PTPRB: variants seen among roughly 807,000 people sequenced by gnomAD.
The protein encoded by PTPRB is protein tyrosine phosphatase receptor type B.
A neutral mutation model predicts 238.1 loss-of-function variants in PTPRB; 97 were observed. That is an observed-to-expected ratio of 0.41 (90% CI 0.35 to 0.48). PTPRB has a LOEUF of 0.48. PTPRB is among the 20% of genes least tolerant of loss of function. The pLI is 0.30. For synonymous variants in PTPRB, 970 were observed against 995.4 expected (o/e 0.97, Z 0.48); for missense variants, 2,292 against 2,681.9 (o/e 0.85, Z 3.21).
Position 70,524,486 on chromosome 12 carries a change from G to C in PTPRB, c.6610C>G (p.Pro2204Ala). 1 of 1,610,958 alleles carries C rather than the reference G, an allele frequency of 6.2e-7. No individual in the cohort carries two copies. The highest frequency in any genetic ancestry group is 8.5e-7 in the Non-Finnish European group (1 of 1,178,480). The change falls in exon 33 of 34, where the codon CCA (proline) becomes GCA (alanine). Residue 2204 changes from proline to alanine, a missense_variant. Physicochemically the swap from Pro to Ala is conservative, Grantham distance 27. Transcript: ENST00000334414. ...PLFPIYENVN[P>A]EYHRDPVYSR... is the part of the protein sequence containing the mutation. ...AAGTGCCCACCTCTGTGATACTCTG[G>C]ATTCACATTTTCATAGATTGGAAAC...
intron 32 of PTPRB, among the ~76,000 whole-genome samples, chr12:70,526,634 A>G (rs1482114658): frequency 6.6e-6 from 1 of 152,234 alleles, no homozygotes; most frequent in East Asian, 1.9e-4. Context: ...TCAATCTTGA[A>G]AATCTGAGAA....
chr12:70,571,473 C>T, intron 12 of PTPRB, 184 bp from the exon 13 acceptor site: 1 of 647,534 alleles, frequency 1.5e-6, no homozygotes, highest in South Asian at 2.1e-5. Context: ...TGGTTTTTTC[C>T]TGACATAAAT....
chr12:70,629,514 C>A (rs1351805239), intron 2 of PTPRB, among the ~76,000 whole-genome samples: 4 of 152,076 alleles, frequency 2.6e-5, no homozygotes, highest in African/African-American at 9.7e-5. Context: ...AAATTGACAA[C>A]CTAACATCAC....
At chr12:70,538,698 A>G (rs529474252) in intron 27 of PTPRB, 1 of 557,874 alleles carries the variant, frequency 1.8e-6, no homozygotes, top group South Asian at 2.4e-5. Flanking sequence ...CACATGGGGA[A>G]ATGTCAACAG....
intron 18 of PTPRB, among the ~76,000 whole-genome samples, chr12:70,556,964 A>G (rs12314266): frequency 0.45 from 68,127 of 152,022 alleles, 16,278 homozygotes; most frequent in African/African-American, 0.61. Flanking sequence ...TAACCTCTAC[A>G]AATGGAAATG....
chr12:70,563,454 C>T (rs1878777490), intron 15 of PTPRB, among the ~76,000 whole-genome samples: 2 of 152,158 alleles, frequency 1.3e-5, no homozygotes, highest in South Asian at 4.1e-4. Context: ...TTTCCTCCAC[C>T]CCAAATGCTC....
rs1055107310 is a variant in PTPRB, at chr12:70,517,096, C to T, written c.*4393G>A. On this transcript the variant is annotated 3_prime_UTR_variant, in exon 34 of 34. Transcript: ENST00000334414. ...CTGCATTTTAACTAAAATGGCCAAA[C>T]ATTTTCAAAGTCATCATGCACTACA... 6.6e-6 allele frequency: 1 copy of T among 152,158 alleles called. No individual in the cohort carries two copies. The highest frequency in any genetic ancestry group is 1.5e-5 in the Non-Finnish European group (1 of 68,024). The allele number at this position is 152,158 out of a possible 1,614,324, so 9.4% of individuals were successfully genotyped here.
intron 2 of PTPRB, 71 bp from the exon 3 acceptor site, chr12:70,622,717 T>G: frequency 1.4e-6 from 2 of 1,462,594 alleles, no homozygotes; most frequent in Non-Finnish European, 1.8e-6. Context: ...AAATCAATTT[T>G]ACTTAGCAAA....
rs1592503450 is a variant in PTPRB at position 70,570,671 on chromosome 12, G to GTAC, written c.3370+354_3370+355insGTA. On this transcript the variant is annotated intron_variant, in intron 13 of 33. Coordinates refer to ENST00000334414, the MANE Select transcript of PTPRB (RefSeq NM_001109754.4). ...TGCTTTGCTGTGGGTCTGGTTCATG[G>GTAC]TGAACTGTCAGTACATGTTAACTAC... 1.2e-4 allele frequency among the ~76,000 whole-genome samples: 19 copies of GTAC among 152,244 alleles called. No homozygotes were observed. In the East Asian group the frequency reaches 3.7e-3, roughly 29 times the overall value.
intron 9 of PTPRB, among the ~76,000 whole-genome samples, chr12:70,583,261 G>T (rs544203827): frequency 6.6e-6 from 1 of 152,154 alleles, no homozygotes; most frequent in African/African-American, 2.4e-5. Flanking sequence ...TCCCTTTCTG[G>T]CAGTATGATA....
Position 70,590,003 on chromosome 12 carries a change from C to T in PTPRB, c.2011G>A (p.Gly671Arg), listed in dbSNP as rs770412160. The change falls in exon 8 of 34, where the codon GGA becomes AGA. Residue 671 changes from glycine to arginine, a missense_variant. By Grantham distance (125) the Gly-to-Arg change is moderately radical. Coordinates refer to ENST00000334414, the MANE Select transcript of PTPRB (RefSeq NM_001109754.4). ...QYEVEVIVESGNLKNSERCQG... is the reference protein window; with the variant it reads ...QYEVEVIVESRNLKNSERCQG... ...CAACGCTCAGAATTCTTCAAATTTC[C>T]ACTCTCAACAATGACTTCCACCTCA... 10 of 1,613,786 alleles carry T rather than the reference C, an allele frequency of 6.2e-6. No individual in the cohort carries two copies. Among genetic ancestry groups the T allele is most frequent in the South Asian group, 2.2e-5 (2 of 91,076 alleles).
At chr12:70,590,798 T>C (rs1882415409) in intron 7 of PTPRB, among the ~76,000 whole-genome samples, 1 of 152,026 alleles carries the variant, frequency 6.6e-6, no homozygotes, top group Non-Finnish European at 1.5e-5. Context: ...TCTGTAGACC[T>C]GCAAGTCTCC....
rs770150063 is a variant in PTPRB at position 70,622,434 on chromosome 12, A to G, written c.664T>C (p.Trp222Arg). The G allele has an allele frequency of 3.7e-6, 6 of 1,612,798 alleles. No individual in the cohort carries two copies. In the Admixed American group the frequency reaches 1.0e-4, roughly 27 times the overall value. ...LHMTGITDTS[W>R]VLSTTQPFSS... Reference sequence around the variant, plus strand: ...AAGGGCTGAGTAGTCGACAAAACCCATGATGTGTCTGTAATTCCAGTCATG... The same window carrying G: ...AAGGGCTGAGTAGTCGACAAAACCCGTGATGTGTCTGTAATTCCAGTCATG... Residue 222 changes from tryptophan to arginine, a missense_variant, in exon 3 of 34, where the codon TGG (tryptophan) becomes CGG (arginine). Physicochemically the swap from Trp to Arg is moderately radical, Grantham distance 101. This residue lies in a region of PTPRB where 1,205 missense variants were observed against 1,287.8 expected (regional missense o/e 0.94). Transcript: ENST00000334414.
chr12:70,559,249 A>G (rs984248180), intron 18 of PTPRB, 94 bp downstream of exon 18: 3 of 1,339,758 alleles, frequency 2.2e-6, no homozygotes, highest in African/African-American at 1.4e-5. Context: ...CCATGTAAAA[A>G]TATGGATTTA....
intron 22 of PTPRB, among the ~76,000 whole-genome samples, chr12:70,543,750 G>A (rs1408483606): frequency 6.6e-6 from 1 of 152,186 alleles, no homozygotes; most frequent in African/African-American, 2.4e-5. Flanking sequence ...CAGCCTGGTG[G>A]AAGTATTCAG....
At chr12:70,633,061 G>T (rs1056582184) in intron 2 of PTPRB, among the ~76,000 whole-genome samples, 35 of 152,144 alleles carry the variant, frequency 2.3e-4, no homozygotes, top group African/African-American at 8.0e-4. Flanking sequence ...TCATAGGTCT[G>T]CTTTCTTTCA....
Position 70,587,211 on chromosome 12 carries a change from T to C in PTPRB, c.2107A>G (p.Ile703Val). The change falls in exon 9 of 34, where the codon ATC becomes GTC. Residue 703 changes from isoleucine to valine, a missense_variant. Around this residue, in one of 4 missense-constraint regions of PTPRB, gnomAD observed 1,205 missense variants for 1,287.8 expected, o/e 0.94. Coordinates refer to ENST00000334414, the MANE Select transcript of PTPRB (RefSeq NM_001109754.4). ...TCTGCTACAGGGGTCTGCCACATGA[T>C]ACTCAGTGAGGTTTCATTGGCATGT... ...VKHANETSLS[I>V]MWQTPVAEWE... The C allele has an allele frequency of 1.9e-6, 3 of 1,613,804 alleles. No individual in the cohort carries two copies. Among genetic ancestry groups the C allele is most frequent in the Non-Finnish European group, 2.5e-6 (3 of 1,179,734 alleles).
chr12:70,554,785 A>G (rs1877397733), intron 20 of PTPRB, among the ~76,000 whole-genome samples: 1 of 152,230 alleles, frequency 6.6e-6, no homozygotes, highest in Admixed American at 6.5e-5. Context: ...ATGGTAGAAC[A>G]AAAGAGTAGT....
At chr12:70,524,707 T>C (rs1303945695) in intron 32 of PTPRB, 116 bp from the exon 33 acceptor site, 6 of 1,066,082 alleles carry the variant, frequency 5.6e-6, no homozygotes, top group Non-Finnish European at 3.9e-6. Context: ...TTCTTGAACA[T>C]CGCTTCACTA....
Sources: gnomAD v4.1 joint callset for allele counts (sites outside exome capture counted in the v4.1 genomes callset) on GRCh38, gnomAD v4.1.1 for gene constraint, gnomAD v4.1.1 regional missense constraint, MANE v1.5 for transcripts, NCBI Gene and HGNC (gene_info 2026-07-23, HGNC 2026-07-21) for gene names.